The following DDX17 variants were observed in gnomAD, a reference collection of about 807,000 sequenced individuals.
DDX17 encodes the protein DEAD-box helicase 17, also known as probable ATP-dependent RNA helicase DDX17.
In DDX17, 10 loss-of-function variants were observed where a neutral mutation model predicts 80.8. The observed-to-expected ratio is 0.12, with a 90% CI of 0.08 to 0.21. DDX17 has a LOEUF of 0.21. Among genes scored for constraint, DDX17 ranks in the 10% least tolerant of loss-of-function variants. The pLI, the probability that DDX17 is intolerant of heterozygous loss-of-function variation, is 1.00. For missense variants in DDX17, 586 were observed against 957.4 expected, an observed-to-expected ratio of 0.61 and a Z score of 5.12; for synonymous variants, 339 against 336.2, an observed-to-expected ratio of 1.01 and a Z score of -0.09.
At chr22:38,504,555 A>G (rs539468576) in intron 1 of DDX17, among the ~76,000 whole-genome samples, 76 of 152,332 alleles carry the variant, frequency 5.0e-4, no homozygotes, top group African/African-American at 1.7e-3. Context: ...CAATACTGTC[A>G]CACGCGAAGC....
chr22:38,494,238 G>A (rs919755432), intron 8 of DDX17, 107 bp from the exon 9 acceptor site: 4 of 779,346 alleles, frequency 5.1e-6, no homozygotes, highest in South Asian at 1.8e-5. Flanking sequence ...TGCACATTAC[G>A]CTTTTAAAAT....
Position 38,487,766 on chromosome 22 carries a change from G to C in DDX17, c.1684+113C>G, listed in dbSNP as rs867028106. ...TAAAAAGCATTAGGCAGTGTCCTTT[G>C]CTATTAAGCAACATACTTACAGCCT... On this transcript the variant is annotated intron_variant, in intron 12 of 12. Coordinates refer to ENST00000403230, the MANE Select transcript of DDX17 (RefSeq NM_006386.5). 5.8e-5 allele frequency: 62 copies of C among 1,061,706 alleles called. No individual in the cohort carries two copies. In the Middle Eastern group the frequency reaches 1.5e-3, roughly 26 times the overall value. 65.8% of individuals were successfully genotyped at this position (1,061,706 alleles called of 1,614,324 possible).
intron 9 of DDX17, 45 bp downstream of exon 9, chr22:38,493,976 G>A (rs1010152680): frequency 2.0e-6 from 3 of 1,484,904 alleles, no homozygotes; most frequent in Non-Finnish European, 2.8e-6. Flanking sequence ...GAAATTTCCA[G>A]TTAACTATAA....
intron 6 of DDX17, 88 bp downstream of exon 6, chr22:38,495,708 C>G (rs1165542838): frequency 8.5e-7 from 1 of 1,175,836 alleles, no homozygotes; most frequent in African/African-American, 1.6e-5. Flanking sequence ...GAGTTTATCA[C>G]AAGAACCCAC....
At chr22:38,505,356 C>G (rs1177546041) in intron 1 of DDX17, 1 of 152,338 alleles carries the variant, frequency 6.6e-6, no homozygotes, top group African/African-American at 2.4e-5. Context: ...TGGCAAGCAA[C>G]TCCACTGCTT....
At chr22:38,492,031 G>C (rs2089718815) in intron 11 of DDX17, 25 bp downstream of exon 11, 2 of 1,558,168 alleles carry the variant, frequency 1.3e-6, no homozygotes, top group Non-Finnish European at 1.7e-6. Flanking sequence ...ATATACCATT[G>C]ACAGAGACAC....
Position 38,489,035 on chromosome 22 carries a change from T to G in DDX17, c.1448-920A>C. On this transcript the variant is annotated intron_variant, in intron 11 of 12. Coordinates refer to ENST00000403230, the MANE Select transcript of DDX17 (RefSeq NM_006386.5). The surrounding 1 kb of genome is among the most constrained non-coding windows in gnomAD (Gnocchi z 4.6). ...CCTCCTAAGGCTTAAAATGTAAATG[T>G]TAGTGTAATGCTTTCAGCTGAATGT... 1 of 984,822 alleles carries G rather than the reference T, an allele frequency of 1.0e-6. No individual in the cohort carries two copies. The highest frequency in any genetic ancestry group is 4.7e-5 in the South Asian group (1 of 21,282). The allele number at this position is 984,822 out of a possible 1,614,324, so 61.0% of individuals were successfully genotyped here.
At position 38,484,249 on chromosome 22, in the gene DDX17, G is replaced by C. The variant is rs977931528; in HGVS notation, c.*1686C>G. 1.3e-5 allele frequency: 2 copies of C among 149,736 alleles called. No individual in the cohort carries two copies. Among genetic ancestry groups the C allele is most frequent in the Non-Finnish European group, 3.0e-5 (2 of 67,392 alleles). The allele number at this position is 149,736 out of a possible 1,614,324, so 9.3% of individuals were successfully genotyped here. A position where few individuals can be genotyped will look rare whatever the true frequency, so the allele number is the denominator to read the frequency against. ...TGGCCTCAACTTCTGTAAGATGGGG[G>C]GGGGACAAAAAGAGAAGTAAAGTTA... On this transcript the variant is annotated 3_prime_UTR_variant, in exon 13 of 13. Transcript: ENST00000403230.
rs1442175120 is a variant in DDX17 at position 38,487,876 on chromosome 22, T to C, written c.1684+3A>G. On this transcript the variant is annotated splice_donor_region_variant and intron_variant, in intron 12 of 12. Transcript: ENST00000403230. ...CCTGGAAAACTCCAGGACTTACCCT[T>C]ACCCCCGCCTCCGCCGCCTCCTCTG... 1 of 1,614,104 alleles carries C rather than the reference T, an allele frequency of 6.2e-7. No homozygotes were observed.
chr22:38,488,160 G>C lies in DDX17; in HGVS notation c.1448-45C>G, dbSNP rs1569137299. 9 of 1,612,392 alleles carry C rather than the reference G, an allele frequency of 5.6e-6. No homozygotes were observed. The South Asian group carries it at 8.8e-5, about 16-fold the overall frequency. ...TCAGTGTGTAGGTTGATGTGGCAGG[G>C]AAAGAGAAGGTAAAGGACATGCCAA... is the stretch of plus-strand genomic sequence containing the variant. On this transcript the variant is annotated intron_variant, in intron 11 of 12. Transcript: ENST00000403230.
intron 1 of DDX17, among the ~76,000 whole-genome samples, chr22:38,503,422 GTA>G (rs1011659083): frequency 6.6e-6 from 1 of 151,870 alleles, no homozygotes; most frequent in Non-Finnish European, 1.5e-5. Context: ...TATCATTCAT[GTA>G]TTTTTTTTTC....
intron 1 of DDX17, among the ~76,000 whole-genome samples, chr22:38,503,243 A>G (rs959711587): frequency 6.6e-6 from 1 of 152,226 alleles, no homozygotes; most frequent in African/African-American, 2.4e-5. Flanking sequence ...CAAATGAAGC[A>G]GCTAAATAAG....
In DDX17 at chr22:38,489,451, CG is replaced by C; in HGVS notation, c.1448-1337del. On this transcript the variant is annotated intron_variant, in intron 11 of 12. Transcript: ENST00000403230. This position sits in a 1 kb window ranked among gnomAD's most constrained non-coding sequence, Gnocchi z 4.6. Reference sequence around the variant, plus strand: ...GTAGCCCCATTTGGTTGCCAAGCGCCGGAGAACCTGGGTTCGGGTAAAAATT... The same window carrying C: ...GTAGCCCCATTTGGTTGCCAAGCGCCGAGAACCTGGGTTCGGGTAAAAATT... 1.0e-6 allele frequency: 1 copy of C among 985,692 alleles called. No individual in the cohort carries two copies. The highest frequency in any genetic ancestry group is 1.2e-6 in the Non-Finnish European group (1 of 829,920). 61.1% of individuals were successfully genotyped at this position (985,692 alleles called of 1,614,324 possible).
At chr22:38,498,638 A>T (rs991522347) in intron 3 of DDX17, 65 bp from the exon 4 acceptor site, 1 of 1,567,902 alleles carries the variant, frequency 6.4e-7, no homozygotes, top group Admixed American at 1.7e-5. Context: ...AGTTTTTAAA[A>T]AAACTTTTAA....
At chr22:38,492,193 T>C in intron 10 of DDX17, 78 bp from the exon 11 acceptor site, 1 of 1,250,424 alleles carries the variant, frequency 8.0e-7, no homozygotes, top group East Asian at 2.5e-5. Flanking sequence ...TGTTAAAATT[T>C]CAAATAATGG....
At chr22:38,491,832 G>A (rs2089716414) in intron 11 of DDX17, 2 of 438,628 alleles carry the variant, frequency 4.6e-6, no homozygotes, top group Non-Finnish European at 7.7e-6. Flanking sequence ...TTAGGAGCAG[G>A]AAGAGACTTT....
intron 1 of DDX17, 112 bp from the exon 2 acceptor site, chr22:38,501,392 C>CA: frequency 8.1e-7 from 1 of 1,238,014 alleles, no homozygotes; most frequent in Non-Finnish European, 1.1e-6. Flanking sequence ...AGCCTACCTC[C>CA]AAAAAGACCA....
At position 38,484,405 on chromosome 22, in the gene DDX17, T is replaced by C. The variant is rs1319650133; in HGVS notation, c.*1530A>G. On this transcript the variant is annotated 3_prime_UTR_variant, in exon 13 of 13. Transcript: ENST00000403230. ...CAGAACCCCTCAGAAACCATCCCTC[T>C]CTCCCTAAAGAATTTTAAAAGGAAA... 1.3e-5 allele frequency: 2 copies of C among 152,174 alleles called. No individual in the cohort carries two copies. The highest frequency in any genetic ancestry group is 4.8e-5 in the African/African-American group (2 of 41,430). 9.4% of individuals were successfully genotyped at this position (152,174 alleles called of 1,614,324 possible). A position where few individuals can be genotyped will look rare whatever the true frequency, so the allele number is the denominator to read the frequency against.
intron 11 of DDX17, 178 bp downstream of exon 11, chr22:38,491,878 A>C (rs1304200884): frequency 2.2e-6 from 1 of 457,670 alleles, no homozygotes; most frequent in African/African-American, 2.3e-5. Context: ...CCAAAGTTAA[A>C]AAAAATTGTG....
Sources: allele counts gnomAD v4.1 joint callset (sites outside exome capture counted in the v4.1 genomes callset), GRCh38; gene constraint gnomAD v4.1.1; non-coding constraint Gnocchi (gnomAD v3.1); transcripts MANE v1.5; gene names NCBI Gene and HGNC (gene_info 2026-07-23, HGNC 2026-07-21).